ZZEF1: variants seen among roughly 807,000 people sequenced by gnomAD.
The protein encoded by ZZEF1 is zinc finger ZZ-type and EF-hand domain containing 1, also known as zinc finger ZZ-type and EF-hand domain-containing protein 1.
In ZZEF1, 157 loss-of-function variants were observed where a neutral mutation model predicts 342.8. The ratio of observed to expected loss-of-function variants is 0.46; its 90% CI spans 0.40 to 0.52. ZZEF1 has a LOEUF of 0.52. Ranked by LOEUF, ZZEF1 falls within the 20% of genes least tolerant of loss-of-function variation. ZZEF1 has a pLI of 0.00. For synonymous variants in ZZEF1, 1,505 were observed against 1,429.1 expected, an observed-to-expected ratio of 1.05 and a Z score of -1.20; for missense variants, 3,480 against 3,725.6, an observed-to-expected ratio of 0.93 and a Z score of 1.72.
chr17:4,117,919 G>T (rs1280814772), intron 2 of ZZEF1, among the ~76,000 whole-genome samples: 1 of 152,070 alleles, frequency 6.6e-6, no homozygotes, highest in African/African-American at 2.4e-5. Context: ...GTTTCCAACG[G>T]CATTTTACAA....
chr17:4,107,067 G>A (rs774509623), intron 6 of ZZEF1, among the ~76,000 whole-genome samples: 1 of 152,114 alleles, frequency 6.6e-6, no homozygotes, highest in Non-Finnish European at 1.5e-5. Flanking sequence ...AGTAGCATGC[G>A]ATCATTTACT....
At chr17:4,049,940 C>T (rs2057009657) in intron 36 of ZZEF1, 81 bp from the exon 37 acceptor site, 1 of 1,500,158 alleles carries the variant, frequency 6.7e-7, no homozygotes, top group Non-Finnish European at 9.1e-7. Flanking sequence ...GTTACTTTGC[C>T]ATTATATAGA....
intron 52 of ZZEF1, among the ~76,000 whole-genome samples, chr17:4,012,955 G>A (rs919822051): frequency 5.9e-5 from 9 of 152,066 alleles, no homozygotes; most frequent in Middle Eastern, 3.4e-3. Flanking sequence ...AAACAATAGA[G>A]GAATATAAAT....
At chr17:4,136,415 C>T (rs1311561465) in intron 1 of ZZEF1, among the ~76,000 whole-genome samples, 1 of 151,664 alleles carries the variant, frequency 6.6e-6, no homozygotes, top group East Asian at 1.9e-4. Context: ...AAAACAGTAA[C>T]ACTGCCAATT....
At chr17:4,012,123 A>T (rs1433818522) in intron 52 of ZZEF1, among the ~76,000 whole-genome samples, 1 of 152,228 alleles carries the variant, frequency 6.6e-6, no homozygotes, top group Non-Finnish European at 1.5e-5. Flanking sequence ...TTCCTGCTGC[A>T]GGCAAGAAGG....
chr17:4,098,931 T>C (rs932950908), intron 9 of ZZEF1, among the ~76,000 whole-genome samples: 7 of 152,234 alleles, frequency 4.6e-5, no homozygotes, highest in African/African-American at 1.4e-4. Flanking sequence ...TATTGAACTC[T>C]TACCTTTTCC....
At position 4,124,599 on chromosome 17, in the gene ZZEF1, C is replaced by T. The variant is rs552934559; in HGVS notation, c.355-548G>A. Among the ~76,000 whole-genome samples, 180 of 143,240 alleles carry T rather than the reference C, an allele frequency of 1.3e-3. 1 individual carries two copies. Among genetic ancestry groups the T allele is most frequent in the Middle Eastern group, 3.5e-3 (1 of 288 alleles). 94.0% of individuals were successfully genotyped at this position (143,240 alleles called of 152,430 possible). ...CTGGGACTACAGGCGCCTGCCACAA[C>T]GCCAAGCTGATTTTTTTTTTTTTTT... is the stretch of plus-strand genomic sequence containing the variant. On this transcript the variant is annotated intron_variant, in intron 1 of 54. Transcript: ENST00000381638.
Position 4,087,355 on chromosome 17 carries a change from GA to G in ZZEF1, c.2342+78del, listed in dbSNP as rs933782462. On this transcript the variant is annotated intron_variant, in intron 14 of 54. Coordinates refer to ENST00000381638, the MANE Select transcript of ZZEF1 (RefSeq NM_015113.4). ...TGGTAGGAAGTAAAAAAAAAATTAG[GA>G]AAAAAATCCACTTAGAATAGTAAAA... The G allele has an allele frequency of 8.2e-5, 100 of 1,217,432 alleles. No individual in the cohort carries two copies. In the African/African-American group the frequency reaches 1.1e-3, roughly 13 times the overall value. 75.4% of individuals were successfully genotyped at this position (1,217,432 alleles called of 1,614,324 possible).
intron 1 of ZZEF1, among the ~76,000 whole-genome samples, chr17:4,129,502 G>A (rs2145578513): frequency 6.6e-6 from 1 of 152,200 alleles, no homozygotes; most frequent in South Asian, 2.1e-4. Context: ...TGACAGACTG[G>A]ATGAAGAAAA....
At chr17:4,035,590 G>A (rs985905471) in intron 39 of ZZEF1, among the ~76,000 whole-genome samples, 2 of 152,222 alleles carry the variant, frequency 1.3e-5, no homozygotes, top group South Asian at 2.1e-4. Flanking sequence ...CTTGGGCTCC[G>A]AGTGAGGTGA....
chr17:4,065,748 A>G (rs2057378693), intron 28 of ZZEF1, among the ~76,000 whole-genome samples: 1 of 152,158 alleles, frequency 6.6e-6, no homozygotes, highest in Admixed American at 6.5e-5. Flanking sequence ...TCTTAAAAAT[A>G]TATGAGTTTT....
intron 37 of ZZEF1, 115 bp downstream of exon 37, chr17:4,049,593 C>A: frequency 1.6e-6 from 2 of 1,218,608 alleles, no homozygotes; most frequent in Non-Finnish European, 2.3e-6. Context: ...GCATGTGAAT[C>A]CAGCAGTCTG....
intron 39 of ZZEF1, among the ~76,000 whole-genome samples, chr17:4,039,331 A>C (rs2056746886): frequency 6.6e-6 from 1 of 151,930 alleles, no homozygotes; most frequent in Admixed American, 6.6e-5. Flanking sequence ...TCAGCTGGGC[A>C]TGGTGGCATG....
chr17:4,064,894 G>C, intron 28 of ZZEF1, 65 bp from the exon 29 acceptor site: 57 of 1,157,780 alleles, frequency 4.9e-5, no homozygotes, highest in Non-Finnish European at 6.2e-5. Flanking sequence ...AGGGGGAGGG[G>C]AGAGGGATAG....
In ZZEF1 at chr17:4,114,354, C is replaced by T. The variant is rs2058360418; in HGVS notation, c.811G>A (p.Gly271Arg). 6.2e-7 allele frequency: 1 copy of T among 1,611,990 alleles called. No homozygotes were observed. The highest frequency in any genetic ancestry group is 8.5e-7 in the Non-Finnish European group (1 of 1,179,098). ...NSADIDKMTNGETSSYWQSDG... is the reference protein window; with the variant it reads ...NSADIDKMTNRETSSYWQSDG... ...GACTGCCAGTAGGATGAGGTTTCTC[C>T]ATTTGTCATCTTGTCAATGTCTGCC... Residue 271 changes from glycine to arginine, a missense_variant, in exon 4 of 55, where the codon GGA (glycine) becomes AGA (arginine). By Grantham distance (125) the Gly-to-Arg change is moderately radical. This residue lies in a region of ZZEF1 where 416 missense variants were observed against 374.2 expected (regional missense o/e 1.11). Coordinates refer to ENST00000381638, the MANE Select transcript of ZZEF1 (RefSeq NM_015113.4).
intron 38 of ZZEF1, among the ~76,000 whole-genome samples, chr17:4,043,929 C>A (rs946022131): frequency 2.0e-5 from 3 of 152,220 alleles, no homozygotes; most frequent in Admixed American, 1.3e-4. Context: ...TCCATGAGGG[C>A]AGGAACCACA....
chr17:4,127,845 C>T (rs903343288), intron 1 of ZZEF1, among the ~76,000 whole-genome samples: 4 of 152,148 alleles, frequency 2.6e-5, no homozygotes, highest in Non-Finnish European at 5.9e-5. Context: ...CTCTGGGGAA[C>T]CTGGTAAACT....
intron 4 of ZZEF1, among the ~76,000 whole-genome samples, chr17:4,113,664 C>CA (rs147181504): frequency 0.25 from 31,745 of 127,688 alleles, 3,457 homozygotes; most frequent in Middle Eastern, 0.37. Context: ...GGCTCCATCT[C>CA]AAAAAAAAAA....
intron 37 of ZZEF1, among the ~76,000 whole-genome samples, chr17:4,044,827 A>G (rs2056878517): frequency 6.6e-6 from 1 of 152,064 alleles, no homozygotes; most frequent in African/African-American, 2.4e-5. Flanking sequence ...TATGCCACTC[A>G]TTTCTTATGG....
Sources: allele counts gnomAD v4.1 joint callset (sites outside exome capture counted in the v4.1 genomes callset), GRCh38; gene constraint gnomAD v4.1.1; regional missense constraint gnomAD v4.1.1; transcripts MANE v1.5; gene names NCBI Gene and HGNC (gene_info 2026-07-23, HGNC 2026-07-21).